Variants in RIN3 observed in about 807,000 individuals in gnomAD.
RIN3 encodes Ras and Rab interactor 3.
A neutral mutation model predicts 76.3 loss-of-function variants in RIN3; 54 were observed. The observed-to-expected ratio is 0.71, with a 90% CI of 0.57 to 0.89. The LOEUF is 0.89. RIN3 is among the 40% of genes least tolerant of loss of function. The pLI, the probability that RIN3 is intolerant of heterozygous loss-of-function variation, is 0.00. For synonymous variants in RIN3, 576 were observed against 564.0 expected (o/e 1.02, Z -0.30); for missense variants, 1,256 against 1,322.1 (o/e 0.95, Z 0.78).
At chr14:92,545,309 A>G (rs370577929) in intron 1 of RIN3, among the ~76,000 whole-genome samples, 4 of 151,458 alleles carry the variant, frequency 2.6e-5, no homozygotes, top group African/African-American at 7.3e-5. Flanking sequence ...ACGGGGTTTC[A>G]CCGTGTGAGC....
chr14:92,659,178 G>A lies in RIN3; in HGVS notation c.2044G>A (p.Ala682Thr). 1 of 1,614,160 alleles carries A rather than the reference G, an allele frequency of 6.2e-7. No homozygotes were observed. The highest frequency in any genetic ancestry group is 8.5e-7 in the Non-Finnish European group (1 of 1,180,018). The change falls in exon 7 of 10, where the codon GCC becomes ACC. Residue 682 changes from alanine to threonine, a missense_variant. Physicochemically the swap from Ala to Thr is moderately conservative, Grantham distance 58. Around this residue, in one of 3 missense-constraint regions of RIN3, gnomAD observed 428 missense variants for 521.2 expected, o/e 0.82. Transcript: ENST00000216487. Reference sequence around the variant, plus strand: ...ACCTGCAGAAGCAATTGTAGAGTCTGCCTTGTACAAATGTGTCCTGAAGCC... The same window carrying A: ...ACCTGCAGAAGCAATTGTAGAGTCTACCTTGTACAAATGTGTCCTGAAGCC... ...EEELEAIVES[A>T]LYKCVLKPLK... is the part of the protein sequence containing the mutation.
Position 92,648,986 on chromosome 14 carries a change from A to T in RIN3, c.533-2596A>T, listed in dbSNP as rs1159526397. 6.6e-6 allele frequency among the ~76,000 whole-genome samples: 1 copy of T among 152,182 alleles called. No homozygotes were observed. The highest frequency in any genetic ancestry group is 1.5e-5 in the Non-Finnish European group (1 of 68,022). Reference sequence around the variant, plus strand: ...GCAGCGCATGGCACGTGGAGGAAGGAGTGAACGGCAGATAGAGTGGAGTGA... The same window carrying T: ...GCAGCGCATGGCACGTGGAGGAAGGTGTGAACGGCAGATAGAGTGGAGTGA... On this transcript the variant is annotated intron_variant, in intron 5 of 9. Transcript: ENST00000216487. This position sits in a 1 kb window ranked among gnomAD's most constrained non-coding sequence, Gnocchi z 4.1.
At chr14:92,526,997 A>C in intron 1 of RIN3, among the ~76,000 whole-genome samples, 1 of 145,876 alleles carries the variant, frequency 6.9e-6, no homozygotes, top group South Asian at 2.2e-4. Context: ...CTCGGACTCC[A>C]TTGTCACTTG....
intron 3 of RIN3, among the ~76,000 whole-genome samples, chr14:92,586,020 T>C (rs1884760016): frequency 6.6e-6 from 1 of 152,224 alleles, no homozygotes; most frequent in Admixed American, 6.5e-5. Flanking sequence ...TAATTCTCTG[T>C]CACCTTGTGA....
At chr14:92,661,828 T>C (rs1252739795) in intron 7 of RIN3, among the ~76,000 whole-genome samples, 7 of 151,812 alleles carry the variant, frequency 4.6e-5, no homozygotes, top group Non-Finnish European at 8.8e-5. Flanking sequence ...CACTTTATCC[T>C]GATGTTGGAG....
At chr14:92,606,384 TAAC>T (rs1021441759) in intron 3 of RIN3, among the ~76,000 whole-genome samples, 1 of 151,284 alleles carries the variant, frequency 6.6e-6, no homozygotes, top group Non-Finnish European at 1.5e-5. Context: ...ACAACAACAA[TAAC>T]AACAAAAATT....
At chr14:92,528,307 T>C (rs1896799513) in intron 1 of RIN3, among the ~76,000 whole-genome samples, 1 of 152,142 alleles carries the variant, frequency 6.6e-6, no homozygotes, top group Non-Finnish European at 1.5e-5. Context: ...ATGTGGACAT[T>C]GAGTGGTAGA....
At chr14:92,571,111 T>C (rs10134602) in intron 2 of RIN3, among the ~76,000 whole-genome samples, 11,929 of 152,258 alleles carry the variant, frequency 0.078, 688 homozygotes, top group East Asian at 0.27. Context: ...ATAAGGCAAA[T>C]GCCGAGCTGT....
At chr14:92,622,459 A>G (rs563671452) in intron 4 of RIN3, among the ~76,000 whole-genome samples, 1 of 152,338 alleles carries the variant, frequency 6.6e-6, no homozygotes, top group Non-Finnish European at 1.5e-5. Flanking sequence ...ACAAATTTTC[A>G]GTGCCACAAA....
rs964292210 is a variant in RIN3 at position 92,553,995 on chromosome 14, G to T, written c.45-1756G>T. The stretch of plus-strand genomic sequence containing the variant: ...CCCCAAGGGGCTCCTTACAGCACAT[G>T]CCCTGGATGCTTCTGGAACCAATGC... On this transcript the variant is annotated intron_variant, in intron 1 of 9. Coordinates refer to ENST00000216487, the MANE Select transcript of RIN3 (RefSeq NM_024832.5). 2.0e-5 allele frequency among the ~76,000 whole-genome samples: 3 copies of T among 152,148 alleles called. No individual in the cohort carries two copies. The East Asian group carries it at 5.8e-4, about 29-fold the overall frequency.
chr14:92,652,927 C>T lies in RIN3; in HGVS notation c.1878C>T (p.Tyr626=). Reference sequence around the variant, plus strand: ...GCCTGGTGCAGGACTACAAGGTGTACAGCCTGGAGATGATGGCGCGCCAGA... The same window carrying T: ...GCCTGGTGCAGGACTACAAGGTGTATAGCCTGGAGATGATGGCGCGCCAGA... ...FGSLVQDYKV[Y]SLEMMARQTS... is the part of the protein sequence containing the mutation. Residue 626 remains tyrosine, a synonymous_variant, in exon 6 of 10, where the codon TAC becomes TAT. Coordinates refer to ENST00000216487, the MANE Select transcript of RIN3 (RefSeq NM_024832.5). The surrounding 1 kb of genome is among the most constrained non-coding windows in gnomAD (Gnocchi z 6.4). 6.2e-7 allele frequency: 1 copy of T among 1,613,986 alleles called. No individual in the cohort carries two copies. The highest frequency in any genetic ancestry group is 8.5e-7 in the Non-Finnish European group (1 of 1,180,038).
intron 2 of RIN3, among the ~76,000 whole-genome samples, chr14:92,558,855 T>A (rs1237829591): frequency 1.3e-5 from 2 of 151,812 alleles, no homozygotes; most frequent in Non-Finnish European, 2.9e-5. Flanking sequence ...TTCCAGCACC[T>A]TCTCTCTTCC....
chr14:92,660,439 T>C (rs922758846), intron 7 of RIN3, among the ~76,000 whole-genome samples: 2 of 152,104 alleles, frequency 1.3e-5, no homozygotes, highest in Admixed American at 6.6e-5. Flanking sequence ...TGGTTGGCTG[T>C]TGGCTGGTCT....
chr14:92,649,584 A>G (rs950946014), intron 5 of RIN3, among the ~76,000 whole-genome samples: 1 of 152,182 alleles, frequency 6.6e-6, no homozygotes, highest in Non-Finnish European at 1.5e-5. Context: ...GGGCCAGAAC[A>G]TGTATGTACT....
intron 1 of RIN3, among the ~76,000 whole-genome samples, chr14:92,519,755 C>A (rs78668060): frequency 1.3e-5 from 2 of 152,180 alleles, no homozygotes; most frequent in Non-Finnish European, 2.9e-5. Context: ...TCCCTCCCCA[C>A]GCACAGTGTA....
chr14:92,546,708 G>A (rs190017838), intron 1 of RIN3, among the ~76,000 whole-genome samples: 43 of 139,150 alleles, frequency 3.1e-4, no homozygotes, highest in African/African-American at 1.1e-3. Context: ...CATTCTCTGG[G>A]GAGCTTTGCC....
At position 92,659,246 on chromosome 14, in the gene RIN3, C is replaced by G. The variant is rs1422329773; in HGVS notation, c.2112C>G (p.Ser704Arg). ...ACTCATGCCTGCATCAGATCCACAG[C>G]AAGGATGGTTCGCTGCAGCAGCTCA... is the stretch of plus-strand genomic sequence containing the variant. The part of the protein sequence containing the change: ...AINSCLHQIH[S>R]KDGSLQQLKE... Residue 704 changes from serine to arginine, a missense_variant, in exon 7 of 10, where the codon AGC becomes AGG. This residue lies in a region of RIN3 where 428 missense variants were observed against 521.2 expected (regional missense o/e 0.82). Coordinates refer to ENST00000216487, the MANE Select transcript of RIN3 (RefSeq NM_024832.5). 2 of 1,614,202 alleles carry G rather than the reference C, an allele frequency of 1.2e-6. No homozygotes were observed. Among genetic ancestry groups the G allele is most frequent in the Admixed American group, 3.3e-5 (2 of 60,026 alleles).
intron 3 of RIN3, among the ~76,000 whole-genome samples, chr14:92,578,250 GAAAAAAA>G (rs1233334039): frequency 6.7e-6 from 1 of 148,540 alleles, no homozygotes; most frequent in Non-Finnish European, 1.5e-5. Context: ...AAAAAAAAAA[GAAAAAAA>G]AGAAAAAAGA....
At chr14:92,640,923 C>A (rs1189303123) in intron 4 of RIN3, among the ~76,000 whole-genome samples, 1 of 152,104 alleles carries the variant, frequency 6.6e-6, no homozygotes, top group Non-Finnish European at 1.5e-5. Flanking sequence ...GTGGGCCACT[C>A]ACTTTACCCT....
Sources: gnomAD v4.1 joint callset for allele counts (sites outside exome capture counted in the v4.1 genomes callset) on GRCh38, gnomAD v4.1.1 for gene constraint, gnomAD v4.1.1 regional missense constraint, Gnocchi (gnomAD v3.1) non-coding constraint, MANE v1.5 for transcripts, NCBI Gene and HGNC (gene_info 2026-07-23, HGNC 2026-07-21) for gene names.